GNB1: variants seen among roughly 807,000 people sequenced by gnomAD.
GNB1 encodes G protein subunit beta 1.
Under a neutral mutation model 42.9 loss-of-function variants are expected in GNB1, and 2 were observed. The observed-to-expected ratio is 0.05, with a 90% CI of 0.02 to 0.15. The LOEUF is 0.15. Ranked by LOEUF, GNB1 falls within the 10% of genes least tolerant of loss-of-function variation. The pLI is 1.00. For synonymous variants in GNB1, 183 were observed against 174.7 expected, an observed-to-expected ratio of 1.05 and a Z score of -0.38; for missense variants, 193 against 462.2, an observed-to-expected ratio of 0.42 and a Z score of 5.34.
chr1:1,840,967 C>T (rs535770652), intron 1 of GNB1, among the ~76,000 whole-genome samples: 1 of 152,366 alleles, frequency 6.6e-6, no homozygotes, highest in African/African-American at 2.4e-5. Context: ...TCTCAGTTCA[C>T]TGGAACCTCC....
chr1:1,822,052 G>C (rs185741460), intron 3 of GNB1, among the ~76,000 whole-genome samples: 1 of 152,048 alleles, frequency 6.6e-6, no homozygotes, highest in African/African-American at 2.4e-5. Flanking sequence ...AGCTGTGATC[G>C]CACCACTGCT....
intron 1 of GNB1, among the ~76,000 whole-genome samples, chr1:1,877,465 T>A (rs114472656): frequency 0.014 from 2,086 of 151,956 alleles, 43 homozygotes; most frequent in African/African-American, 0.048. Flanking sequence ...TATAGATTTT[T>A]GCTGTATGTT....
chr1:1,879,489 G>C (rs1038717287), intron 1 of GNB1, among the ~76,000 whole-genome samples: 1 of 152,082 alleles, frequency 6.6e-6, no homozygotes, highest in Non-Finnish European at 1.5e-5. Context: ...GGCAGATCAC[G>C]AGATCAGGCG....
chr1:1,796,639 G>A (rs921923354), intron 7 of GNB1, among the ~76,000 whole-genome samples: 1 of 152,212 alleles, frequency 6.6e-6, no homozygotes, highest in African/African-American at 2.4e-5. Flanking sequence ...CCTGGTGCGG[G>A]GGCCTGTGCT....
intron 2 of GNB1, among the ~76,000 whole-genome samples, chr1:1,834,711 C>T (rs1570688661): frequency 6.6e-6 from 1 of 151,022 alleles, no homozygotes; most frequent in Middle Eastern, 3.4e-3. Flanking sequence ...CTCTGTTGCC[C>T]AGGCTGGAGT....
intron 1 of GNB1, among the ~76,000 whole-genome samples, chr1:1,888,190 G>A (rs560170633): frequency 1.3e-5 from 2 of 152,282 alleles, no homozygotes; most frequent in South Asian, 2.1e-4. Flanking sequence ...GCTCTTTTGA[G>A]AAAGTCAATT....
intron 1 of GNB1, among the ~76,000 whole-genome samples, chr1:1,884,043 G>A (rs1003397749): frequency 2.1e-5 from 3 of 145,640 alleles, no homozygotes; most frequent in Admixed American, 7.0e-5. Flanking sequence ...TCGGCTCACC[G>A]CAACCTCCGC....
At chr1:1,836,925 G>A (rs1647159267) in intron 2 of GNB1, among the ~76,000 whole-genome samples, 1 of 147,816 alleles carries the variant, frequency 6.8e-6, no homozygotes, top group African/African-American at 2.5e-5. Context: ...TCGAACAACT[G>A]GCTTCAAGCA....
rs190221568 is a variant in GNB1 at position 1,789,499 on chromosome 1, C to T, written c.700-230G>A. ...CCTGAGATGGGGAGTTTGAGACCAG[C>T]CTGACCAACATAGAGAAACCCCATC... On this transcript the variant is annotated intron_variant, in intron 9 of 11. Transcript: ENST00000378609. Among the ~76,000 whole-genome samples the T allele has an allele frequency of 9.0e-3, 1,374 of 152,176 alleles. 8 individuals carry two copies. The highest frequency in any genetic ancestry group is 0.015 in the Non-Finnish European group (1,003 of 68,012).
At chr1:1,883,170 A>G (rs1649947767) in intron 1 of GNB1, among the ~76,000 whole-genome samples, 2 of 150,610 alleles carry the variant, frequency 1.3e-5, no homozygotes, top group African/African-American at 4.9e-5. Context: ...TACTTGTGAG[A>G]CTGAGAGAAG....
intron 1 of GNB1, among the ~76,000 whole-genome samples, chr1:1,875,938 G>A (rs1649522023): frequency 6.6e-6 from 1 of 152,132 alleles, no homozygotes; most frequent in South Asian, 2.1e-4. Flanking sequence ...AGGTCATACT[G>A]AATTAGGGTG....
intron 1 of GNB1, among the ~76,000 whole-genome samples, chr1:1,873,060 T>C (rs1485593785): frequency 6.6e-6 from 1 of 152,110 alleles, no homozygotes; most frequent in Non-Finnish European, 1.5e-5. Context: ...AGCCTTGTTT[T>C]TTTTTTTTTC....
At position 1,785,759 on chromosome 1, in the gene GNB1, C is replaced by A; in HGVS notation, c.*1304G>T. On this transcript the variant is annotated 3_prime_UTR_variant, in exon 12 of 12. Coordinates refer to ENST00000378609, the MANE Select transcript of GNB1 (RefSeq NM_002074.5). ...TCACTCCCTCTCCCTCCCTCTCTCT[C>A]CCTCCCCACCCTCAGAATCCAACAG... The A allele has an allele frequency of 1.9e-5, 6 of 317,738 alleles. No homozygotes were observed. Among genetic ancestry groups the A allele is most frequent in the Middle Eastern group, 8.1e-4 (1 of 1,232 alleles). The allele number at this position is 317,738 out of a possible 1,614,324, so 19.7% of individuals were successfully genotyped here.
chr1:1,881,737 T>C (rs1465607540), intron 1 of GNB1, among the ~76,000 whole-genome samples: 1 of 152,210 alleles, frequency 6.6e-6, no homozygotes, highest in Non-Finnish European at 1.5e-5. Context: ...GTAAACCTTT[T>C]GGCTTCCAGG....
At position 1,812,036 on chromosome 1, in the gene GNB1, A is replaced by G. The variant is rs571584849; in HGVS notation, c.203+3720T>C. On this transcript the variant is annotated intron_variant, in intron 5 of 11. Transcript: ENST00000378609. The stretch of plus-strand genomic sequence containing the variant: ...AGCCGAGATCGCACCACTGCAGTCC[A>G]GGCTGGGTGACAGAGCGAGACTCCG... Among the ~76,000 whole-genome samples, 6 of 152,150 alleles carry G rather than the reference A, an allele frequency of 3.9e-5. No homozygotes were observed. The East Asian group carries it at 5.8e-4, about 15-fold the overall frequency.
intron 1 of GNB1, among the ~76,000 whole-genome samples, chr1:1,876,307 A>T (rs2101832315): frequency 6.6e-6 from 1 of 152,104 alleles, no homozygotes; most frequent in Middle Eastern, 3.4e-3. Context: ...TTGGAGAAGG[A>T]CTTGTTTTTT....
chr1:1,873,899 C>T (rs1186518605), intron 1 of GNB1, among the ~76,000 whole-genome samples: 1 of 152,186 alleles, frequency 6.6e-6, no homozygotes, highest in Admixed American at 6.5e-5. Flanking sequence ...CCAGCTGTCA[C>T]AACCACCAAT....
At chr1:1,852,501 A>G (rs1648045746) in intron 1 of GNB1, among the ~76,000 whole-genome samples, 1 of 151,962 alleles carries the variant, frequency 6.6e-6, no homozygotes, top group Non-Finnish European at 1.5e-5. Flanking sequence ...AAGTGCTAGG[A>G]TTACAGGCTC....
At chr1:1,838,612 T>C (rs1290517974) in intron 2 of GNB1, among the ~76,000 whole-genome samples, 1 of 151,268 alleles carries the variant, frequency 6.6e-6, no homozygotes, top group African/African-American at 2.4e-5. Context: ...ACCCGGCTAA[T>C]TTTTTGTATT....
Sources: gnomAD v4.1 joint callset for allele counts (sites outside exome capture counted in the v4.1 genomes callset) on GRCh38, gnomAD v4.1.1 for gene constraint, MANE v1.5 for transcripts, NCBI Gene and HGNC (gene_info 2026-07-23, HGNC 2026-07-21) for gene names.